The following VRK3 variants were observed in gnomAD, a reference collection of about 807,000 sequenced individuals.
VRK3 encodes the protein VRK serine/threonine kinase 3.
In VRK3, 50 loss-of-function variants were observed where a neutral mutation model predicts 60.4. The ratio of observed to expected loss-of-function variants is 0.83; its 90% CI spans 0.66 to 1.05. The LOEUF (loss-of-function observed/expected upper bound fraction) is 1.05. VRK3 is among the 50% of genes least tolerant of loss of function. The pLI is 0.00. For missense variants in VRK3, 549 were observed against 585.3 expected (o/e 0.94, Z 0.64); for synonymous variants, 246 against 227.8 (o/e 1.08, Z -0.72).
chr19:49,991,247 G>A (rs1215557919), intron 10 of VRK3, among the ~76,000 whole-genome samples: 4 of 152,144 alleles, frequency 2.6e-5, no homozygotes, highest in Non-Finnish European at 4.4e-5. Flanking sequence ...CTTAATGTGG[G>A]TGGGTCTCAT....
chr19:50,011,283 C>T lies in VRK3; in HGVS notation c.140-1898G>A, dbSNP rs150285137. ...CCCCTTACTTTCCTACCACTTAGCT[C>T]TATATTTTAAAAGGACATTTTAATG... On this transcript the variant is annotated intron_variant, in intron 3 of 14. Transcript: ENST00000316763. Among the ~76,000 whole-genome samples, 772 of 152,306 alleles carry T rather than the reference C, an allele frequency of 5.1e-3. 5 individuals carry two copies. Among genetic ancestry groups the T allele is most frequent in the African/African-American group, 0.017 (689 of 41,556 alleles).
intron 2 of VRK3, among the ~76,000 whole-genome samples, chr19:50,017,076 C>T (rs893168130): frequency 6.6e-6 from 1 of 152,072 alleles, no homozygotes; most frequent in Admixed American, 6.5e-5. Flanking sequence ...CACCTGTAAT[C>T]CCAGCTACTC....
intron 3 of VRK3, 59 bp downstream of exon 3, chr19:50,015,965 A>T: frequency 6.2e-7 from 1 of 1,606,928 alleles, no homozygotes; most frequent in African/African-American, 1.3e-5. Context: ...CTCCGCAGAC[A>T]CACACGTGTA....
chr19:49,990,343 C>G (rs1030525558), intron 10 of VRK3, among the ~76,000 whole-genome samples: 2 of 152,234 alleles, frequency 1.3e-5, no homozygotes, highest in African/African-American at 4.8e-5. Context: ...AAGTTAAATG[C>G]TTTCTGCCTG....
At position 50,007,635 on chromosome 19, in the gene VRK3, T is replaced by C; in HGVS notation, c.481A>G (p.Lys161Glu). 1.9e-6 allele frequency: 3 copies of C among 1,614,182 alleles called. No homozygotes were observed. The highest frequency in any genetic ancestry group is 1.7e-5 in the Admixed American group (1 of 60,022). ...TTCAGCTTCCACTGTCGCCCACTCT[T>C]GTCTGTCAGCACTGTCCCTGTGGGC... The part of the protein sequence containing the change: ...ALPTGTVLTD[K>E]SGRQWKLKSF... The change falls in exon 5 of 15, where the codon AAG (lysine) becomes GAG (glutamate). Residue 161 changes from lysine (K) to glutamate (E), a missense_variant. By Grantham distance (56) the Lys-to-Glu change is moderately conservative. Transcript: ENST00000316763.
In VRK3 at chr19:50,000,825, A is replaced by G; in HGVS notation, c.577T>C (p.Ser193Pro). ...GAGAACTTTTGCTTCTGTGGTCCTG[A>G]GTCACAGGTGAGGGTGGAGGTGGGT... ...AAPTSTLTCD[S>P]GPQKQKFSLK... is the part of the protein sequence containing the mutation. Residue 193 changes from serine (S) to proline (P), a missense_variant, in exon 6 of 15, where the codon TCA (serine) becomes CCA (proline). Physicochemically the swap from Ser to Pro is moderately conservative, Grantham distance 74. Transcript: ENST00000316763. 1.2e-6 allele frequency: 2 copies of G among 1,613,922 alleles called. No individual in the cohort carries two copies. The highest frequency in any genetic ancestry group is 1.7e-6 in the Non-Finnish European group (2 of 1,179,920).
chr19:50,008,351 G>T lies in VRK3; in HGVS notation c.290-525C>A, dbSNP rs945359194. 2.0e-5 allele frequency among the ~76,000 whole-genome samples: 3 copies of T among 152,114 alleles called. No individual in the cohort carries two copies. The East Asian group carries it at 5.8e-4, about 29-fold the overall frequency. On this transcript the variant is annotated intron_variant, in intron 4 of 14. Transcript: ENST00000316763. ...CCTAGCCTGGCAAGAGAATGGGGTG[G>T]GTGTGGTGGGAGACAGACTTGGACA...
chr19:49,992,593 G>A (rs77125944), intron 10 of VRK3, among the ~76,000 whole-genome samples: 1,741 of 152,240 alleles, frequency 0.011, 78 homozygotes, highest in East Asian at 0.11. Flanking sequence ...CTTGTTTTAA[G>A]TTACATCTCT....
chr19:49,999,104 CAGAG>C (rs1439310871), intron 6 of VRK3: 1 of 152,120 alleles, frequency 6.6e-6, no homozygotes, highest in Non-Finnish European at 1.5e-5. Context: ...GCCTGGGTGA[CAGAG>C]AGAGATCCTG....
In VRK3 at chr19:49,976,579, G is replaced by C. The variant is rs971876310; in HGVS notation, c.*217C>G. The C allele has an allele frequency of 6.5e-6, 1 of 152,750 alleles. No homozygotes were observed. The highest frequency in any genetic ancestry group is 6.5e-5 in the Admixed American group (1 of 15,288). The allele number at this position is 152,750 out of a possible 1,614,324, so 9.5% of individuals were successfully genotyped here. ...TTGCTAGGACACTGGCTGAAGGGCA[G>C]GCCACCAAGATGGGGAACTTCACAT... On this transcript the variant is annotated 3_prime_UTR_variant, in exon 15 of 15. Transcript: ENST00000316763.
chr19:50,021,254 T>C (rs1225138067), intron 1 of VRK3, among the ~76,000 whole-genome samples: 1 of 152,212 alleles, frequency 6.6e-6, no homozygotes, highest in Non-Finnish European at 1.5e-5. Context: ...TGTGTGCTCT[T>C]TGGAACCTTG....
chr19:50,008,768 G>C (rs1489083153), intron 4 of VRK3: 2 of 153,258 alleles, frequency 1.3e-5, no homozygotes, highest in African/African-American at 4.8e-5. Context: ...GTCTGGATGC[G>C]AGCCTATGGC....
chr19:49,980,996 C>T lies in VRK3; in HGVS notation c.1235G>A (p.Gly412Glu), dbSNP rs1188802491. The change falls in exon 13 of 15, where the codon GGG becomes GAG. Residue 412 changes from glycine to glutamate, a missense_variant. Gly to Glu is a moderately conservative substitution (Grantham distance 98, BLOSUM62 -2). Coordinates refer to ENST00000316763, the MANE Select transcript of VRK3 (RefSeq NM_016440.4). ...KQKQKFVDKP[G>E]PFVGPCGHWI... The stretch of plus-strand genomic sequence containing the variant: ...GTGACCGCAGGGTCCCACGAAGGGC[C>T]CCGGCTTATCAACAAACCTGAAGGG... The T allele has an allele frequency of 1.9e-6, 3 of 1,612,470 alleles. No individual in the cohort carries two copies. In the South Asian group the frequency reaches 3.3e-5, roughly 18 times the overall value.
intron 3 of VRK3, among the ~76,000 whole-genome samples, chr19:50,013,208 TG>T (rs1250455964): frequency 1.3e-5 from 2 of 152,120 alleles, no homozygotes; most frequent in African/African-American, 4.8e-5. Flanking sequence ...ACTCTCAAGT[TG>T]GGCCAAGGCA....
intron 1 of VRK3, among the ~76,000 whole-genome samples, chr19:50,024,417 G>A (rs1486421581): frequency 6.6e-6 from 1 of 152,258 alleles, no homozygotes; most frequent in Non-Finnish European, 1.5e-5. Context: ...GGCCTGCCAA[G>A]TAAGTTGCAA....
chr19:49,978,070 C>T (rs1051848333), intron 14 of VRK3, among the ~76,000 whole-genome samples: 26 of 152,148 alleles, frequency 1.7e-4, no homozygotes, highest in Admixed American at 1.1e-3. Flanking sequence ...AGATGCCCTG[C>T]GACTAGGATC....
chr19:50,016,670 G>C (rs1044633968), intron 2 of VRK3, among the ~76,000 whole-genome samples: 25 of 152,180 alleles, frequency 1.6e-4, no homozygotes, highest in African/African-American at 5.8e-4. Flanking sequence ...GACTAATTTA[G>C]TAGAATGATG....
At chr19:49,992,712 C>T in intron 10 of VRK3, 148 bp downstream of exon 10, 1 of 662,434 alleles carries the variant, frequency 1.5e-6, no homozygotes, top group Non-Finnish European at 2.5e-6. Context: ...TACTAAGTTG[C>T]TTATCTTATT....
At chr19:49,993,939 G>A (rs1315178588) in intron 9 of VRK3, among the ~76,000 whole-genome samples, 1 of 151,760 alleles carries the variant, frequency 6.6e-6, no homozygotes, top group African/African-American at 2.4e-5. Context: ...TCTGTACCCA[G>A]AGCTGACCCC....
Sources: gnomAD v4.1 joint callset for allele counts (sites outside exome capture counted in the v4.1 genomes callset) on GRCh38, gnomAD v4.1.1 for gene constraint, MANE v1.5 for transcripts, NCBI Gene and HGNC (gene_info 2026-07-23, HGNC 2026-07-21) for gene names.